The following DTHD1 variants were observed in gnomAD, a reference collection of about 807,000 sequenced individuals.
The protein encoded by DTHD1 is death domain containing 1.
In DTHD1, 59 loss-of-function variants were observed where a neutral mutation model predicts 74.8. That is an observed-to-expected ratio of 0.79 (90% CI 0.64 to 0.98). DTHD1 has a LOEUF of 0.98. DTHD1 is among the 50% of genes least tolerant of loss of function. The pLI, the probability that DTHD1 is intolerant of heterozygous loss-of-function variation, is 0.00. For missense variants in DTHD1, 1,051 were observed against 1,065.4 expected, an observed-to-expected ratio of 0.99 and a Z score of 0.19; for synonymous variants, 365 against 371.1, an observed-to-expected ratio of 0.98 and a Z score of 0.19.
At chr4:36,327,995 G>C (rs1401691657) in intron 8 of DTHD1, among the ~76,000 whole-genome samples, 3 of 152,058 alleles carry the variant, frequency 2.0e-5, no homozygotes, top group Non-Finnish European at 4.4e-5. Context: ...AAACTATAAA[G>C]AGATTGATGT....
chr4:36,318,783 T>C (rs1241508988), intron 8 of DTHD1, among the ~76,000 whole-genome samples: 1 of 151,862 alleles, frequency 6.6e-6, no homozygotes, highest in East Asian at 1.9e-4. Context: ...CCCAGCTAAT[T>C]TTTTGTATTT....
intron 2 of DTHD1, among the ~76,000 whole-genome samples, chr4:36,287,807 C>G (rs1755803749): frequency 6.6e-6 from 1 of 152,046 alleles, no homozygotes; most frequent in Non-Finnish European, 1.5e-5. Flanking sequence ...TTATACATGT[C>G]CTTAGTTCAC....
At chr4:36,283,869 G>C in intron 1 of DTHD1, 107 bp from the exon 2 acceptor site, 1 of 794,776 alleles carries the variant, frequency 1.3e-6, no homozygotes, top group Non-Finnish European at 2.0e-6. Flanking sequence ...AAAGGTCTTT[G>C]TAGGTTTCTA....
intron 7 of DTHD1, among the ~76,000 whole-genome samples, chr4:36,311,936 T>A (rs1757434222): frequency 6.6e-6 from 1 of 152,190 alleles, no homozygotes; most frequent in Non-Finnish European, 1.5e-5. Flanking sequence ...AATGCCAAAA[T>A]CTCTCTATTC....
At chr4:36,333,739 G>A (rs1758836762) in intron 8 of DTHD1, 1 of 152,530 alleles carries the variant, frequency 6.6e-6, no homozygotes, top group African/African-American at 2.4e-5. Context: ...GCTACGTGGT[G>A]ATAGATGCAT....
intron 5 of DTHD1, among the ~76,000 whole-genome samples, chr4:36,300,650 G>A (rs1313312598): frequency 6.6e-6 from 1 of 152,114 alleles, no homozygotes; most frequent in African/African-American, 2.4e-5. Context: ...TTCTAAATTT[G>A]TTATTTATAA....
intron 5 of DTHD1, among the ~76,000 whole-genome samples, chr4:36,300,792 G>A (rs1203574805): frequency 2.6e-5 from 4 of 152,088 alleles, no homozygotes; most frequent in African/African-American, 7.2e-5. Context: ...TATTGTCAAC[G>A]CAGGCAAATC....
chr4:36,316,019 A>T (rs1163718877), intron 7 of DTHD1, among the ~76,000 whole-genome samples: 3 of 152,200 alleles, frequency 2.0e-5, no homozygotes, highest in Middle Eastern at 3.4e-3. Flanking sequence ...CACTGTAAGC[A>T]CCGCCTCCTG....
intron 7 of DTHD1, chr4:36,315,861 A>G (rs1427890975): frequency 6.4e-6 from 1 of 155,950 alleles, no homozygotes; most frequent in African/African-American, 2.4e-5. Flanking sequence ...ATGATACACA[A>G]AAGTTTTAAT....
intron 9 of DTHD1, among the ~76,000 whole-genome samples, chr4:36,341,410 A>C (rs1759306439): frequency 6.6e-6 from 1 of 152,196 alleles, no homozygotes; most frequent in South Asian, 2.1e-4. Flanking sequence ...AATGAAAACA[A>C]AGTTAGGAGA....
chr4:36,285,644 G>A (rs1266037876), intron 2 of DTHD1, among the ~76,000 whole-genome samples: 1 of 150,290 alleles, frequency 6.7e-6, no homozygotes. Flanking sequence ...GCTTAGAAGT[G>A]AAAAAAAAAA....
Position 36,322,227 on chromosome 4 carries a change from C to T in DTHD1, c.2340+5741C>T, listed in dbSNP as rs116219032. ...AACTAGAAAGTAAGCTCTGTGAAGA[C>T]GGGGAACATTTTTTGTTCACTGCCA... is the stretch of plus-strand genomic sequence containing the variant. On this transcript the variant is annotated intron_variant, in intron 8 of 9. Coordinates refer to ENST00000639862, the MANE Select transcript of DTHD1 (RefSeq NM_001170700.3). 5.6e-3 allele frequency among the ~76,000 whole-genome samples: 845 copies of T among 152,060 alleles called. 4 individuals are homozygous for T. Among genetic ancestry groups the T allele is most frequent in the African/African-American group, 0.019 (791 of 41,486 alleles).
rs569944301 is a variant in DTHD1, at chr4:36,281,694, G to A, written c.-65G>A. On this transcript the variant is annotated 5_prime_UTR_variant, in exon 1 of 10. Transcript: ENST00000639862. ...GTTTAGGAGAAATAACAATCACAAA[G>A]TTTGAATTTGCAAAACCTTTAGGCT... 4 of 1,233,884 alleles carry A rather than the reference G, an allele frequency of 3.2e-6. No individual in the cohort carries two copies. The highest frequency in any genetic ancestry group is 4.2e-5 in the South Asian group (1 of 24,032). The allele number at this position is 1,233,884 out of a possible 1,614,324, so 76.4% of individuals were successfully genotyped here. A position where few individuals can be genotyped will look rare whatever the true frequency, so the allele number is the denominator to read the frequency against.
chr4:36,328,092 A>T (rs1294334032), intron 8 of DTHD1, among the ~76,000 whole-genome samples: 2 of 152,228 alleles, frequency 1.3e-5, no homozygotes, highest in African/African-American at 4.8e-5. Flanking sequence ...AAAAATGTGC[A>T]TGGGTTTGAA....
intron 9 of DTHD1, among the ~76,000 whole-genome samples, chr4:36,339,544 T>G (rs546426907): frequency 6.6e-6 from 1 of 152,360 alleles, no homozygotes; most frequent in South Asian, 2.1e-4. Flanking sequence ...TTGAAGTCAA[T>G]CTATTTGAAT....
At chr4:36,343,129 C>T (rs1171007856) in intron 9 of DTHD1, among the ~76,000 whole-genome samples, 3 of 150,200 alleles carry the variant, frequency 2.0e-5, no homozygotes, top group Non-Finnish European at 2.9e-5. Context: ...AGCATGGTTG[C>T]GGACCTCAGC....
chr4:36,288,668 G>A (rs1193748549), intron 2 of DTHD1, among the ~76,000 whole-genome samples: 1 of 152,100 alleles, frequency 6.6e-6, no homozygotes, highest in Non-Finnish European at 1.5e-5. Context: ...TGGTCTATGT[G>A]TCTATTTGTA....
chr4:36,317,625 T>A (rs184652322), intron 8 of DTHD1, among the ~76,000 whole-genome samples: 28 of 152,346 alleles, frequency 1.8e-4, no homozygotes, highest in African/African-American at 6.0e-4. Context: ...AAACTACATA[T>A]GTATCTCAAA....
chr4:36,316,545 ACAAT>A (rs1757751218), intron 8 of DTHD1, 59 bp downstream of exon 8: 1 of 1,468,720 alleles, frequency 6.8e-7, no homozygotes, highest in South Asian at 1.4e-5. Flanking sequence ...ATTCTGTAAC[ACAAT>A]CAGTTTTTCA....
Sources: allele counts gnomAD v4.1 joint callset (sites outside exome capture counted in the v4.1 genomes callset), GRCh38; gene constraint gnomAD v4.1.1; transcripts MANE v1.5; gene names NCBI Gene and HGNC (gene_info 2026-07-23, HGNC 2026-07-21).